TBC1D14: variants seen among roughly 807,000 people sequenced by gnomAD.
TBC1D14 encodes TBC1 domain family member 14.
TBC1D14 carries 26 observed loss-of-function variants against 79.0 expected under a neutral mutation model. The observed-to-expected ratio is 0.33, with a 90% CI of 0.24 to 0.46. TBC1D14 has a LOEUF of 0.46. TBC1D14 is among the 20% of genes least tolerant of loss of function. The pLI is 1.00. For missense variants in TBC1D14, 769 were observed against 887.6 expected, an observed-to-expected ratio of 0.87 and a Z score of 1.70; for synonymous variants, 394 against 349.9, an observed-to-expected ratio of 1.13 and a Z score of -1.40.
intron 2 of TBC1D14, among the ~76,000 whole-genome samples, chr4:6,937,875 C>G (rs1448959858): frequency 6.6e-6 from 1 of 152,088 alleles, no homozygotes; most frequent in East Asian, 1.9e-4. Context: ...CGGGGAGGCT[C>G]CAGTCACACA....
chr4:6,983,632 T>C (rs1717573844), intron 3 of TBC1D14, among the ~76,000 whole-genome samples: 1 of 152,192 alleles, frequency 6.6e-6, no homozygotes, highest in African/African-American at 2.4e-5. Context: ...CCCATTAATG[T>C]TGGGGTTTAG....
intron 13 of TBC1D14, among the ~76,000 whole-genome samples, chr4:7,027,873 A>G (rs929799175): frequency 2.2e-5 from 3 of 134,524 alleles, no homozygotes; most frequent in African/African-American, 2.9e-5. Context: ...ACCCCCATGC[A>G]CACACATTGC....
chr4:6,997,918 A>G (rs988122028), intron 5 of TBC1D14, among the ~76,000 whole-genome samples: 2 of 152,204 alleles, frequency 1.3e-5, no homozygotes, highest in African/African-American at 4.8e-5. Flanking sequence ...TGGGAAAATG[A>G]GAAAGCTCTG....
intron 2 of TBC1D14, among the ~76,000 whole-genome samples, chr4:6,963,799 A>C (rs961970638): frequency 3.3e-5 from 5 of 152,148 alleles, no homozygotes; most frequent in Admixed American, 2.0e-4. Context: ...TAATCATGCA[A>C]CTTTGATTTT....
At chr4:7,017,065 C>T (rs1019002755) in intron 12 of TBC1D14, among the ~76,000 whole-genome samples, 8 of 152,200 alleles carry the variant, frequency 5.3e-5, no homozygotes, top group African/African-American at 1.9e-4. Context: ...CTTTGGGAGG[C>T]CCAGGCGGGC....
chr4:6,938,835 C>T (rs1239967626), intron 2 of TBC1D14, among the ~76,000 whole-genome samples: 1 of 152,220 alleles, frequency 6.6e-6, no homozygotes, highest in Admixed American at 6.5e-5. Flanking sequence ...TCGGGCTGGC[C>T]TCCCAGGGGC....
intron 6 of TBC1D14, among the ~76,000 whole-genome samples, chr4:6,999,495 C>T (rs1719436900): frequency 6.6e-6 from 1 of 152,164 alleles, no homozygotes; most frequent in South Asian, 2.1e-4. Flanking sequence ...CTGTGACTGT[C>T]AGTACACAGT....
chr4:7,012,329 T>C (rs948190492), intron 11 of TBC1D14, among the ~76,000 whole-genome samples: 1 of 149,442 alleles, frequency 6.7e-6, no homozygotes, highest in African/African-American at 2.5e-5. Flanking sequence ...AAGTTGTTGG[T>C]AAATTTGGTA....
chr4:7,003,772 G>C (rs1334108286), intron 7 of TBC1D14, among the ~76,000 whole-genome samples: 1 of 151,946 alleles, frequency 6.6e-6, no homozygotes, highest in Non-Finnish European at 1.5e-5. Context: ...GGTTGTGGCA[G>C]GGGGGAATCA....
intron 13 of TBC1D14, among the ~76,000 whole-genome samples, chr4:7,027,566 C>T (rs149063586): frequency 1.5e-3 from 223 of 147,498 alleles, no homozygotes; most frequent in South Asian, 4.2e-3. Flanking sequence ...CACAATCACC[C>T]GACACGCACA....
intron 3 of TBC1D14, among the ~76,000 whole-genome samples, chr4:6,985,238 C>T (rs1287591133): frequency 6.6e-6 from 1 of 152,176 alleles, no homozygotes; most frequent in East Asian, 1.9e-4. Context: ...ATGGGGAATT[C>T]CATAGTAGCA....
chr4:6,994,535 C>CT (rs1371559730), intron 4 of TBC1D14, among the ~76,000 whole-genome samples: 25 of 152,220 alleles, frequency 1.6e-4, no homozygotes, highest in African/African-American at 6.0e-4. Flanking sequence ...GGTAATTTTT[C>CT]TTTTTACTTT....
At chr4:7,016,276 C>G (rs1219338631) in intron 12 of TBC1D14, among the ~76,000 whole-genome samples, 1 of 152,228 alleles carries the variant, frequency 6.6e-6, no homozygotes, top group East Asian at 1.9e-4. Context: ...GGCGGGGATG[C>G]TGGGCTGGCC....
intron 13 of TBC1D14, among the ~76,000 whole-genome samples, chr4:7,026,352 C>A (rs1370689904): frequency 6.6e-6 from 1 of 152,164 alleles, no homozygotes; most frequent in Non-Finnish European, 1.5e-5. Flanking sequence ...TTAGCGATCT[C>A]TGACTCATAT....
At chr4:7,023,113 G>A (rs1253495430) in intron 12 of TBC1D14, among the ~76,000 whole-genome samples, 3 of 152,086 alleles carry the variant, frequency 2.0e-5, no homozygotes, top group Non-Finnish European at 4.4e-5. Context: ...AATTAGCCGG[G>A]CATGGTCGTG....
At chr4:6,977,970 G>A (rs1251326951) in intron 3 of TBC1D14, among the ~76,000 whole-genome samples, 3 of 137,910 alleles carry the variant, frequency 2.2e-5, no homozygotes, top group East Asian at 4.5e-4. Flanking sequence ...CCTGGCAACC[G>A]CCCCGTCTGA....
At chr4:6,933,603 TG>T (rs1470948359) in intron 2 of TBC1D14, among the ~76,000 whole-genome samples, 3 of 152,124 alleles carry the variant, frequency 2.0e-5, no homozygotes, top group Non-Finnish European at 2.9e-5. Context: ...CCACTGTGCC[TG>T]GCCTACCTCT....
intron 2 of TBC1D14, among the ~76,000 whole-genome samples, chr4:6,925,443 T>C (rs1173194880): frequency 6.6e-6 from 1 of 152,086 alleles, no homozygotes; most frequent in Non-Finnish European, 1.5e-5. Flanking sequence ...CCCTTTGAGA[T>C]GGTGTGGTGT....
At chr4:6,987,050 G>C in intron 3 of TBC1D14, 7 of 368,366 alleles carry the variant, frequency 1.9e-5, no homozygotes, top group East Asian at 1.0e-4. Context: ...GTTTACGGCC[G>C]GTGGGGCCGT....
Sources: gnomAD v4.1 joint callset for allele counts (sites outside exome capture counted in the v4.1 genomes callset) on GRCh38, gnomAD v4.1.1 for gene constraint, MANE v1.5 for transcripts, NCBI Gene and HGNC (gene_info 2026-07-23, HGNC 2026-07-21) for gene names.